TMCC1: variants seen among roughly 807,000 people sequenced by gnomAD.
The protein encoded by TMCC1 is transmembrane and coiled-coil domain family 1.
Under a neutral mutation model 52.4 loss-of-function variants are expected in TMCC1, and 15 were observed. The observed-to-expected ratio is 0.29, with a 90% CI of 0.19 to 0.44. TMCC1 has a LOEUF of 0.44. Ranked by LOEUF, TMCC1 falls within the 20% of genes least tolerant of loss-of-function variation. TMCC1 has a pLI of 1.00. For synonymous variants in TMCC1, 279 were observed against 301.9 expected, an observed-to-expected ratio of 0.92 and a Z score of 0.79; for missense variants, 503 against 806.0, an observed-to-expected ratio of 0.62 and a Z score of 4.55.
At chr3:129,830,475 AAGGGC>A (rs1195660866) in intron 3 of TMCC1, among the ~76,000 whole-genome samples, 3 of 152,326 alleles carry the variant, frequency 2.0e-5, no homozygotes, top group African/African-American at 7.2e-5. Flanking sequence ...CTCAGAGGAA[AAGGGC>A]TAATGTAACC....
rs553138497 is a variant in TMCC1 at position 129,838,331 on chromosome 3, C to T, written c.-183-5505G>A. On this transcript the variant is annotated intron_variant, in intron 2 of 6. Transcript: ENST00000393238. ...CTGGGCCCTGGGAGGACTGCTTGGG[C>T]CCTGGAGGTCGAGGCTGCAAAGAGC... is the stretch of plus-strand genomic sequence containing the variant. Among the ~76,000 whole-genome samples the T allele has an allele frequency of 2.6e-5, 4 of 152,112 alleles. No individual in the cohort carries two copies. In the East Asian group the frequency reaches 5.8e-4, roughly 22 times the overall value.
Position 129,687,744 on chromosome 3 carries a change from C to A in TMCC1, c.577-16480G>T, listed in dbSNP as rs557594484. Among the ~76,000 whole-genome samples the A allele has an allele frequency of 4.6e-5, 7 of 152,302 alleles. No homozygotes were observed. The East Asian group carries it at 1.4e-3, about 29-fold the overall frequency. On this transcript the variant is annotated intron_variant, in intron 4 of 6. Transcript: ENST00000393238. ...CACCAACGCACAGCTATGAAAATAGCAGACTCCTTATCCTGCCTTCCTCCA... is the reference window on the plus strand; with the variant it reads ...CACCAACGCACAGCTATGAAAATAGAAGACTCCTTATCCTGCCTTCCTCCA...
chr3:129,872,371 G>C (rs1404432213), intron 2 of TMCC1, among the ~76,000 whole-genome samples: 1 of 151,812 alleles, frequency 6.6e-6, no homozygotes, highest in Non-Finnish European at 1.5e-5. Context: ...CATTACATGG[G>C]AGCTTAATAG....
chr3:129,763,803 G>T (rs910419519), intron 4 of TMCC1, among the ~76,000 whole-genome samples: 1 of 150,932 alleles, frequency 6.6e-6, no homozygotes, highest in African/African-American at 2.4e-5. Context: ...TCCAGCCTGG[G>T]AGACAGAGTG....
chr3:129,659,094 CTTTTTTTTTTTT>C (rs902362203), intron 5 of TMCC1, among the ~76,000 whole-genome samples: 1 of 130,012 alleles, frequency 7.7e-6, no homozygotes, highest in East Asian at 2.3e-4. Context: ...TTCTTTCTTT[CTTTTTTTTTTTT>C]TTTTTTTTAA....
At chr3:129,716,831 C>G (rs2049147781) in intron 4 of TMCC1, among the ~76,000 whole-genome samples, 1 of 152,110 alleles carries the variant, frequency 6.6e-6, no homozygotes, top group Non-Finnish European at 1.5e-5. Flanking sequence ...AGGCAGGAGG[C>G]CTGTATTTCT....
intron 2 of TMCC1, among the ~76,000 whole-genome samples, chr3:129,875,254 T>C (rs1409351584): frequency 6.6e-6 from 1 of 151,358 alleles, no homozygotes; most frequent in Non-Finnish European, 1.5e-5. Context: ...TGTGGGAGGC[T>C]GAGGCAGGTG....
chr3:129,746,488 A>T (rs2107646248), intron 4 of TMCC1, among the ~76,000 whole-genome samples: 1 of 152,064 alleles, frequency 6.6e-6, no homozygotes, highest in Admixed American at 6.5e-5. Context: ...CAGACTGATG[A>T]CTACTGTGTA....
chr3:129,712,013 A>AG (rs2048733790), intron 4 of TMCC1, among the ~76,000 whole-genome samples: 1 of 147,874 alleles, frequency 6.8e-6, no homozygotes, highest in Admixed American at 6.7e-5. Flanking sequence ...AAAAAAAAAA[A>AG]AAAAAAAAAA....
Position 129,789,461 on chromosome 3 carries a change from T to C in TMCC1, c.576+38342A>G, listed in dbSNP as rs143363898. On this transcript the variant is annotated intron_variant, in intron 4 of 6. Transcript: ENST00000393238. ...AAAAACAACAGGTTTTATTAAAAAT[T>C]CAAATTCTGACCAACATTTCTCCAC... Among the ~76,000 whole-genome samples the C allele has an allele frequency of 4.6e-3, 694 of 152,310 alleles. 8 individuals are homozygous for C. The highest frequency in any genetic ancestry group is 0.016 in the African/African-American group (660 of 41,566).
chr3:129,881,489 A>G (rs2061457994), intron 1 of TMCC1, among the ~76,000 whole-genome samples: 1 of 152,132 alleles, frequency 6.6e-6, no homozygotes, highest in Admixed American at 6.5e-5. Context: ...CAGAAAATGT[A>G]GAATAATCAT....
At position 129,688,558 on chromosome 3, in the gene TMCC1, G is replaced by A. The variant is rs186823421; in HGVS notation, c.577-17294C>T. ...AATACCCTCGCATAGCCAATCCTCC[G>A]CAGTGCCCACCTCAGCCTATGTATA... On this transcript the variant is annotated intron_variant, in intron 4 of 6. Coordinates refer to ENST00000393238, the MANE Select transcript of TMCC1 (RefSeq NM_001017395.5). 2.2e-4 allele frequency: 218 copies of A among 985,484 alleles called. No homozygotes were observed. In the African/African-American group the frequency reaches 3.2e-3, roughly 15 times the overall value. The allele number at this position is 985,484 out of a possible 1,614,324, so 61.0% of individuals were successfully genotyped here.
At chr3:129,854,047 C>T (rs1395238980) in intron 2 of TMCC1, among the ~76,000 whole-genome samples, 1 of 152,174 alleles carries the variant, frequency 6.6e-6, no homozygotes, top group Non-Finnish European at 1.5e-5. Flanking sequence ...AATACCCCTA[C>T]ATCCACTCTG....
chr3:129,743,490 C>G lies in TMCC1; in HGVS notation c.577-72226G>C, dbSNP rs567110408. ...TCTGTGGAATTAAGCAGCTACCCCT[C>G]TATATGTTTATGTGAAGTATTCAGA... is the stretch of plus-strand genomic sequence containing the variant. On this transcript the variant is annotated intron_variant, in intron 4 of 6. Coordinates refer to ENST00000393238, the MANE Select transcript of TMCC1 (RefSeq NM_001017395.5). Among the ~76,000 whole-genome samples the G allele has an allele frequency of 1.1e-4, 17 of 152,256 alleles. 1 individual carries two copies. The South Asian group carries it at 3.5e-3, about 32-fold the overall frequency.
chr3:129,758,172 A>G (rs1411149722), intron 4 of TMCC1, among the ~76,000 whole-genome samples: 1 of 152,218 alleles, frequency 6.6e-6, no homozygotes, highest in Non-Finnish European at 1.5e-5. Context: ...ACTGCTTTAC[A>G]TGTATACTGT....
intron 4 of TMCC1, among the ~76,000 whole-genome samples, chr3:129,725,821 C>A (rs998815512): frequency 6.6e-6 from 1 of 152,086 alleles, no homozygotes; most frequent in Admixed American, 6.6e-5. Flanking sequence ...TAGTTCTGAG[C>A]TTCTTTCTTA....
chr3:129,725,121 T>C (rs1322214034), intron 4 of TMCC1, among the ~76,000 whole-genome samples: 1 of 152,220 alleles, frequency 6.6e-6, no homozygotes, highest in Non-Finnish European at 1.5e-5. Flanking sequence ...TTTCATTTTC[T>C]TTTTCTTTTT....
At chr3:129,711,957 G>C (rs1389472253) in intron 4 of TMCC1, among the ~76,000 whole-genome samples, 1 of 134,892 alleles carries the variant, frequency 7.4e-6, no homozygotes. Flanking sequence ...AGCCGAGATG[G>C]TGCCACTGCA....
chr3:129,824,019 G>C (rs1309405770), intron 4 of TMCC1, among the ~76,000 whole-genome samples: 1 of 152,128 alleles, frequency 6.6e-6, no homozygotes, highest in Non-Finnish European at 1.5e-5. Flanking sequence ...CAGAAAGAAA[G>C]TAACTCAGAC....
Sources: allele counts gnomAD v4.1 joint callset (sites outside exome capture counted in the v4.1 genomes callset), GRCh38; gene constraint gnomAD v4.1.1; transcripts MANE v1.5; gene names NCBI Gene and HGNC (gene_info 2026-07-23, HGNC 2026-07-21).